PLCB1: variants seen among roughly 807,000 people sequenced by gnomAD.
PLCB1 encodes the protein 1-phosphatidylinositol 4,5-bisphosphate phosphodiesterase beta-1.
Under a neutral mutation model 161.8 loss-of-function variants are expected in PLCB1, and 46 were observed. That is an observed-to-expected ratio of 0.28 (90% confidence interval 0.22 to 0.36). The LOEUF is 0.36. Ranked by LOEUF, PLCB1 falls within the 10% of genes least tolerant of loss-of-function variation. The probability of loss-of-function intolerance (pLI) is 1.00; values close to 1 mark genes in which losing one functional copy is unlikely to be tolerated. For synonymous variants in PLCB1, 517 were observed against 503.7 expected (o/e 1.03, Z -0.35); for missense variants, 1,016 against 1,472.5 (o/e 0.69, Z 5.07).
chr20:8,202,293 C>T (rs2052101090), intron 2 of PLCB1, among the ~76,000 whole-genome samples: 1 of 152,192 alleles, frequency 6.6e-6, no homozygotes, highest in African/African-American at 2.4e-5. Flanking sequence ...CTAGGCTGGT[C>T]TCCAGCTCCT....
chr20:8,633,305 A>AT (rs1259768606), intron 4 of PLCB1, among the ~76,000 whole-genome samples: 1 of 152,154 alleles, frequency 6.6e-6, no homozygotes, highest in African/African-American at 2.4e-5. Context: ...ATAGAATATA[A>AT]TTTTTTGTTT....
chr20:8,619,012 A>G (rs900473888), intron 3 of PLCB1, among the ~76,000 whole-genome samples: 2 of 152,220 alleles, frequency 1.3e-5, no homozygotes, highest in African/African-American at 4.8e-5. Context: ...CTTTCAGCAA[A>G]TACGTATTCA....
chr20:8,414,352 CAAAA>C (rs1979178567), intron 3 of PLCB1, among the ~76,000 whole-genome samples: 2 of 152,038 alleles, frequency 1.3e-5, no homozygotes. Flanking sequence ...GAAACAAAAA[CAAAA>C]AACAAACAAA....
intron 3 of PLCB1, among the ~76,000 whole-genome samples, chr20:8,578,941 C>G (rs1286216184): frequency 2.0e-5 from 3 of 152,196 alleles, no homozygotes; most frequent in African/African-American, 7.2e-5. Context: ...TGATTCATTA[C>G]AAATTACTTA....
At chr20:8,619,641 T>C (rs999886997) in intron 3 of PLCB1, among the ~76,000 whole-genome samples, 3 of 152,066 alleles carry the variant, frequency 2.0e-5, no homozygotes, top group Non-Finnish European at 4.4e-5. Context: ...TGTTAAAGCT[T>C]TGAGAATATG....
At chr20:8,710,661 T>G (rs1192048242) in intron 12 of PLCB1, among the ~76,000 whole-genome samples, 2 of 151,900 alleles carry the variant, frequency 1.3e-5, no homozygotes, top group African/African-American at 2.4e-5. Flanking sequence ...ATTACAGGCA[T>G]GCACCACCAT....
chr20:8,169,539 A>G (rs1600213212), intron 2 of PLCB1, among the ~76,000 whole-genome samples: 1 of 152,206 alleles, frequency 6.6e-6, no homozygotes, highest in African/African-American at 2.4e-5. Flanking sequence ...AATCTGAACT[A>G]GGACAGGTAT....
chr20:8,685,541 T>C (rs1398562745), intron 10 of PLCB1, among the ~76,000 whole-genome samples: 1 of 136,708 alleles, frequency 7.3e-6, no homozygotes, highest in Non-Finnish European at 1.5e-5. Context: ...CTGTTCAATA[T>C]GGCGAAACCC....
At chr20:8,166,210 A>G (rs1385227413) in intron 2 of PLCB1, among the ~76,000 whole-genome samples, 1 of 151,898 alleles carries the variant, frequency 6.6e-6, no homozygotes, top group Admixed American at 6.6e-5. Flanking sequence ...CTCACCTTTC[A>G]CCAACTTTTC....
chr20:8,348,457 G>A (rs1238804944), intron 2 of PLCB1, among the ~76,000 whole-genome samples: 1 of 152,164 alleles, frequency 6.6e-6, no homozygotes, highest in Non-Finnish European at 1.5e-5. Flanking sequence ...TCTTAAAGGT[G>A]GGGACATGGG....
At chr20:8,387,186 G>C (rs1234523112) in intron 3 of PLCB1, among the ~76,000 whole-genome samples, 3 of 152,124 alleles carry the variant, frequency 2.0e-5, no homozygotes, top group African/African-American at 7.2e-5. Flanking sequence ...GGCACAAGTG[G>C]TCTAGCTTTT....
intron 11 of PLCB1, among the ~76,000 whole-genome samples, chr20:8,698,612 A>G (rs972752494): frequency 7.2e-5 from 11 of 152,164 alleles, no homozygotes; most frequent in African/African-American, 2.7e-4. Context: ...TTGCTCATAC[A>G]ACAAAGGAGA....
intron 3 of PLCB1, among the ~76,000 whole-genome samples, chr20:8,510,549 C>T (rs567598353): frequency 6.6e-6 from 1 of 152,068 alleles, no homozygotes; most frequent in South Asian, 2.1e-4. Context: ...CCACGCCCAG[C>T]TAATTTTTTT....
At chr20:8,197,297 A>G (rs552189077) in intron 2 of PLCB1, among the ~76,000 whole-genome samples, 2 of 152,122 alleles carry the variant, frequency 1.3e-5, no homozygotes, top group South Asian at 2.1e-4. Flanking sequence ...AAGTGTTCCT[A>G]TTTCTCCATA....
At chr20:8,402,601 G>GAGGC (rs1455126274) in intron 3 of PLCB1, among the ~76,000 whole-genome samples, 1 of 151,648 alleles carries the variant, frequency 6.6e-6, no homozygotes. Flanking sequence ...TTGGGAGGCC[G>GAGGC]AGGCAGGCGG....
At chr20:8,742,479 A>G (rs1980933768) in intron 23 of PLCB1, among the ~76,000 whole-genome samples, 1 of 152,288 alleles carries the variant, frequency 6.6e-6, no homozygotes, top group South Asian at 2.1e-4. Flanking sequence ...TCGATTTATT[A>G]TAGAAAATTT....
rs188988416 is a variant in PLCB1 at position 8,473,272 on chromosome 20, T to C, written c.246+101822T>C. On this transcript the variant is annotated intron_variant, in intron 3 of 31. Coordinates refer to ENST00000338037, the MANE Select transcript of PLCB1 (RefSeq NM_015192.4). ...TGTTGAAATTAATCTGACTAATGAA[T>C]TGGAGTTAGTTATCTCCAAAGGAAA... Among the ~76,000 whole-genome samples, 69 of 151,200 alleles carry C rather than the reference T, an allele frequency of 4.6e-4. 1 individual carries two copies. Among genetic ancestry groups the C allele is most frequent in the Middle Eastern group, 3.4e-3 (1 of 294 alleles).
intron 2 of PLCB1, among the ~76,000 whole-genome samples, chr20:8,192,335 A>G (rs2051978690): frequency 6.7e-6 from 1 of 149,610 alleles, no homozygotes; most frequent in Non-Finnish European, 1.5e-5. Context: ...AAGCTAATTT[A>G]AAAAAATCGT....
chr20:8,240,649 A>G (rs186993974), intron 2 of PLCB1, among the ~76,000 whole-genome samples: 1 of 152,142 alleles, frequency 6.6e-6, no homozygotes, highest in East Asian at 1.9e-4. Context: ...TGGCATTGCC[A>G]ACTTATCCTT....
Sources: gnomAD v4.1 joint callset for allele counts (sites outside exome capture counted in the v4.1 genomes callset) on GRCh38, gnomAD v4.1.1 for gene constraint, MANE v1.5 for transcripts, NCBI Gene and HGNC (gene_info 2026-07-23, HGNC 2026-07-21) for gene names.